The following DOP1A variants were observed in gnomAD, a reference collection of about 807,000 sequenced individuals.
DOP1A encodes the protein protein DOP1A.
A neutral mutation model predicts 267.6 loss-of-function variants in DOP1A; 90 were observed. That is an observed-to-expected ratio of 0.34 (90% confidence interval 0.28 to 0.40). The LOEUF (loss-of-function observed/expected upper bound fraction) is 0.40, where lower values mean the gene tolerates loss of function less well. DOP1A is among the 10% of genes least tolerant of loss of function. The pLI, the probability that DOP1A is intolerant of heterozygous loss-of-function variation, is 1.00. For synonymous variants in DOP1A, 932 were observed against 999.1 expected (o/e 0.93, Z 1.27); for missense variants, 2,437 against 2,900.4 (o/e 0.84, Z 3.67).
intron 24 of DOP1A, among the ~76,000 whole-genome samples, chr6:83,144,847 ATTG>A (rs1267455035): frequency 3.3e-5 from 5 of 151,550 alleles, no homozygotes; most frequent in Non-Finnish European, 5.9e-5. Context: ...TATAAAGCTT[ATTG>A]TTCTGTTTTA....
rs546953490 is a variant in DOP1A at position 83,114,186 on chromosome 6, T to G, written c.780+765T>G. 3.3e-5 allele frequency among the ~76,000 whole-genome samples: 5 copies of G among 152,168 alleles called. 1 individual carries two copies. The South Asian group carries it at 8.3e-4, about 25-fold the overall frequency. On this transcript the variant is annotated intron_variant, in intron 7 of 38. Coordinates refer to ENST00000349129, the MANE Select transcript of DOP1A (RefSeq NM_015018.4). ...ACTGGCCAATTTTTTATTCATTATT[T>G]TATTAACATTTTTCTTTTACTTATT...
At position 83,138,641 on chromosome 6, in the gene DOP1A, G is replaced by A. The variant is rs150933981; in HGVS notation, c.4599G>A (p.Leu1533=). 5.6e-6 allele frequency: 9 copies of A among 1,613,800 alleles called. No homozygotes were observed. The highest frequency in any genetic ancestry group is 1.6e-4 in the Middle Eastern group (1 of 6,082). ...AGAAAGTGATTCTTCATTGTTTGCTGTCATCTATCTTTAGTGCTCAGAAAT... is the reference window on the plus strand; with the variant it reads ...AGAAAGTGATTCTTCATTGTTTGCTATCATCTATCTTTAGTGCTCAGAAAT... ...KVQKVILHCL[L]SSIFSAQKWH... The change falls in exon 21 of 39, where the codon CTG becomes CTA. Residue 1533 remains leucine (L), a synonymous_variant. Transcript: ENST00000349129.
chr6:83,138,412 T>C lies in DOP1A; in HGVS notation c.4370T>C (p.Ile1457Thr). ...AGTTCTATGTACATAGAAATTCTTA[T>C]TTCTCTCTGCTTATATTACATGCGT... ...FRSSMYIEIL[I>T]SLCLYYMRSH... The change falls in exon 21 of 39, where the codon ATT becomes ACT. Residue 1457 changes from isoleucine to threonine, a missense_variant. By Grantham distance (89) the Ile-to-Thr change is moderately conservative. Around this residue, in one of 9 missense-constraint regions of DOP1A, gnomAD observed 878 missense variants for 992.9 expected, o/e 0.88. Transcript: ENST00000349129. 1 of 1,611,524 alleles carries C rather than the reference T, an allele frequency of 6.2e-7. No individual in the cohort carries two copies. Among genetic ancestry groups the C allele is most frequent in the Non-Finnish European group, 8.5e-7 (1 of 1,179,842 alleles).
At chr6:83,104,596 A>T (rs1773241036) in intron 4 of DOP1A, among the ~76,000 whole-genome samples, 2 of 152,126 alleles carry the variant, frequency 1.3e-5, no homozygotes, top group South Asian at 4.1e-4. Flanking sequence ...AGAAGGTTTT[A>T]TCTGAAATTT....
intron 21 of DOP1A, among the ~76,000 whole-genome samples, chr6:83,139,606 A>G (rs1779308648): frequency 6.6e-6 from 1 of 152,176 alleles, no homozygotes; most frequent in Non-Finnish European, 1.5e-5. Flanking sequence ...CTGAGTCTCT[A>G]TGCTCAAAAT....
intron 1 of DOP1A, among the ~76,000 whole-genome samples, chr6:83,071,948 G>A (rs1049296433): frequency 4.6e-5 from 7 of 152,116 alleles, no homozygotes; most frequent in African/African-American, 1.7e-4. Flanking sequence ...TGTTTATCTG[G>A]CAAAGCTCCT....
At chr6:83,153,863 C>T (rs3757015) in intron 31 of DOP1A, 31 bp from the exon 32 acceptor site, 35,691 of 1,581,404 alleles carry the variant, frequency 0.023, 516 homozygotes, top group South Asian at 0.034. Flanking sequence ...AGTTAGGACA[C>T]GTAGGTTAAG....
At position 83,138,280 on chromosome 6, in the gene DOP1A, C is replaced by A; in HGVS notation, c.4238C>A (p.Thr1413Asn). The A allele has an allele frequency of 6.2e-7, 1 of 1,612,976 alleles. No individual in the cohort carries two copies. Among genetic ancestry groups the A allele is most frequent in the South Asian group, 1.1e-5 (1 of 91,084 alleles). ...ACTACTAGTGTAAATAATGCATATA[C>A]TCCTCAGTTGTCTCTCCTTCAGAAT... is the stretch of plus-strand genomic sequence containing the variant. ...ISTTSVNNAY[T>N]PQLSLLQNLL... is the part of the protein sequence containing the mutation. The change falls in exon 21 of 39, where the codon ACT becomes AAT. Residue 1413 changes from threonine to asparagine, a missense_variant. Around this residue, in one of 9 missense-constraint regions of DOP1A, gnomAD observed 878 missense variants for 992.9 expected, o/e 0.88. Transcript: ENST00000349129.
In DOP1A at chr6:83,103,830, G is replaced by A. The variant is rs115081535; in HGVS notation, c.320+2944G>A. ...AGTTTTGACAAATTTAGTCAATTTCGTAGCCACTGTTCAAAATAAGATATA... is the reference window on the plus strand; with the variant it reads ...AGTTTTGACAAATTTAGTCAATTTCATAGCCACTGTTCAAAATAAGATATA... On this transcript the variant is annotated intron_variant, in intron 4 of 38. Coordinates refer to ENST00000349129, the MANE Select transcript of DOP1A (RefSeq NM_015018.4). Among the ~76,000 whole-genome samples the A allele has an allele frequency of 2.6e-3, 399 of 152,112 alleles. 1 individual carries two copies. Among genetic ancestry groups the A allele is most frequent in the African/African-American group, 8.5e-3 (354 of 41,498 alleles).
intron 34 of DOP1A, among the ~76,000 whole-genome samples, chr6:83,156,646 G>A (rs117917800): frequency 0.018 from 2,775 of 152,264 alleles, 51 homozygotes; most frequent in Admixed American, 0.061. Context: ...ATCCAGAACA[G>A]AATTATTTGC....
At chr6:83,166,233 A>G (rs1421838459) in intron 38 of DOP1A, 1 of 512,404 alleles carries the variant, frequency 2.0e-6, no homozygotes, top group East Asian at 3.0e-5. Context: ...CGACCATAAA[A>G]TGGTCAACAT....
intron 1 of DOP1A, among the ~76,000 whole-genome samples, chr6:83,095,131 C>T (rs971120077): frequency 1.7e-4 from 26 of 152,092 alleles, no homozygotes; most frequent in African/African-American, 6.3e-4. Context: ...CGAGGTTTCA[C>T]CATGTTGGTC....
intron 1 of DOP1A, among the ~76,000 whole-genome samples, chr6:83,071,675 A>G (rs1236731443): frequency 2.0e-5 from 3 of 152,212 alleles, no homozygotes; most frequent in Admixed American, 2.0e-4. Flanking sequence ...CTTAATTGTA[A>G]ATTAAAAAGT....
intron 28 of DOP1A, 65 bp from the exon 29 acceptor site, chr6:83,151,818 T>C: frequency 1.3e-6 from 2 of 1,514,694 alleles, no homozygotes; most frequent in South Asian, 1.2e-5. Flanking sequence ...AAATATAAAC[T>C]ACAGAAGTTC....
At chr6:83,084,002 T>TA (rs1008522489) in intron 1 of DOP1A, among the ~76,000 whole-genome samples, 22 of 152,298 alleles carry the variant, frequency 1.4e-4, no homozygotes, top group African/African-American at 5.1e-4. Context: ...ATTTACTTGG[T>TA]AAAAAAAGAA....
At chr6:83,160,079 A>G in intron 37 of DOP1A, 119 bp downstream of exon 37, 1 of 959,126 alleles carries the variant, frequency 1.0e-6, no homozygotes, top group Non-Finnish European at 1.5e-6. Context: ...AATTTTTACT[A>G]AAATGTAATT....
rs745598523 is a variant in DOP1A at position 83,167,992 on chromosome 6, A to G, written c.7223A>G (p.Asn2408Ser). The change falls in exon 39 of 39, where the codon AAC (asparagine) becomes AGC (serine). Residue 2408 changes from asparagine (N) to serine (S), a missense_variant. Asn to Ser is a conservative substitution (Grantham distance 46). Around this residue, in one of 9 missense-constraint regions of DOP1A, gnomAD observed 197 missense variants for 246.5 expected, o/e 0.80. Coordinates refer to ENST00000349129, the MANE Select transcript of DOP1A (RefSeq NM_015018.4). The stretch of plus-strand genomic sequence containing the variant: ...TTCAATGTGCTCAGTCAAGTCTTCA[A>G]CAGCAAAGTCACAAGCCGATGTGGA... Reference protein sequence around the residue: ...PFFNVLSQVFNSKVTSRCGGH... With the variant: ...PFFNVLSQVFSSKVTSRCGGH... 7 of 1,614,200 alleles carry G rather than the reference A, an allele frequency of 4.3e-6. No homozygotes were observed. The highest frequency in any genetic ancestry group is 5.9e-6 in the Non-Finnish European group (7 of 1,180,038).
intron 12 of DOP1A, among the ~76,000 whole-genome samples, chr6:83,123,564 T>C (rs1026562553): frequency 3.3e-5 from 5 of 152,054 alleles, no homozygotes; most frequent in Non-Finnish European, 7.4e-5. Context: ...AATGTAATTA[T>C]GTACGATTTC....
chr6:83,150,196 A>G (rs551396238), intron 27 of DOP1A, among the ~76,000 whole-genome samples: 3 of 152,208 alleles, frequency 2.0e-5, no homozygotes, highest in African/African-American at 2.4e-5. Context: ...CAACATAGGG[A>G]GACTGTGTCT....
Sources: gnomAD v4.1 joint callset for allele counts (sites outside exome capture counted in the v4.1 genomes callset) on GRCh38, gnomAD v4.1.1 for gene constraint, gnomAD v4.1.1 regional missense constraint, MANE v1.5 for transcripts, NCBI Gene and HGNC (gene_info 2026-07-23, HGNC 2026-07-21) for gene names.